Variants in RYR3 observed in about 807,000 individuals in gnomAD.
The protein encoded by RYR3 is brain ryanodine receptor-calcium release channel.
Under a neutral mutation model 584.3 loss-of-function variants are expected in RYR3, and 207 were observed. The ratio of observed to expected loss-of-function variants is 0.35; its 90% CI spans 0.32 to 0.40. RYR3 has a LOEUF of 0.40. Ranked by LOEUF, RYR3 falls within the 10% of genes least tolerant of loss-of-function variation. RYR3 has a pLI of 1.00. For missense variants in RYR3, 5,616 were observed against 6,089.2 expected (o/e 0.92, Z 2.59); for synonymous variants, 2,416 against 2,248.5 (o/e 1.07, Z -2.11).
chr15:33,580,037 C>T lies in RYR3; in HGVS notation c.1330C>T (p.Gln444Ter). 1 of 1,613,736 alleles carries T rather than the reference C, an allele frequency of 6.2e-7. No homozygotes were observed. The highest frequency in any genetic ancestry group is 8.5e-7 in the Non-Finnish European group (1 of 1,179,748). ...LPIEEVLQTL[Q>*]DLIAYFQPPE... ...TATAGAAGAAGTCCTGCAGACCCTA[C>T]AGGACTTGATCGCCTACTTCCAGCC... Residue 444 changes from glutamine to a stop codon, truncating the protein, a stop_gained, in exon 13 of 104, where the codon CAG becomes TAG. Transcript: ENST00000634891. LOFTEE classifies it high-confidence loss of function.
chr15:33,443,118 G>A (rs76564371), intron 1 of RYR3, among the ~76,000 whole-genome samples: 19,968 of 152,050 alleles, frequency 0.13, 1,563 homozygotes, highest in East Asian at 0.33. Context: ...AATTAGCTGG[G>A]TGTTGTGGTG....
rs1473088041 is a variant in RYR3 at position 33,731,474 on chromosome 15, G to A, written c.7204G>A (p.Val2402Ile). The A allele has an allele frequency of 1.2e-6, 2 of 1,607,528 alleles. No homozygotes were observed. The highest frequency in any genetic ancestry group is 1.7e-6 in the Non-Finnish European group (2 of 1,176,392). The change falls in exon 48 of 104, where the codon GTT (valine) becomes ATT (isoleucine). Residue 2402 changes from valine to isoleucine, a missense_variant and splice_region_variant. Transcript: ENST00000634891. Reference sequence around the variant, plus strand: ...CTGTGTCCCAATCTTCTTTCTCTAGGTTTCCCTAAGCACCACAGAGGCTGC... The same window carrying A: ...CTGTGTCCCAATCTTCTTTCTCTAGATTTCCCTAAGCACCACAGAGGCTGC... ...DLRASASLDTVSLSTTEAALA... is the reference protein window; with the variant it reads ...DLRASASLDTISLSTTEAALA...
At chr15:33,745,967 C>T (rs2070664868) in intron 52 of RYR3, 101 bp from the exon 53 acceptor site, 2 of 781,914 alleles carry the variant, frequency 2.6e-6, no homozygotes, top group East Asian at 5.3e-5. Context: ...CTGTCACTAT[C>T]CATTACTCCA....
At chr15:33,436,837 G>A (rs1441852199) in intron 1 of RYR3, among the ~76,000 whole-genome samples, 1 of 152,134 alleles carries the variant, frequency 6.6e-6, no homozygotes, top group South Asian at 2.1e-4. Context: ...GCAATTTGAT[G>A]TATTAGCCTT....
intron 1 of RYR3, among the ~76,000 whole-genome samples, chr15:33,374,435 C>T (rs1377014459): frequency 6.6e-6 from 1 of 151,786 alleles, no homozygotes; most frequent in African/African-American, 2.4e-5. Context: ...CACACCCACA[C>T]GCATAGATGT....
In RYR3 at chr15:33,467,414, A is replaced by C. The variant is rs141151079; in HGVS notation, c.52-6005A>C. On this transcript the variant is annotated intron_variant, in intron 1 of 103. Coordinates refer to ENST00000634891, the MANE Select transcript of RYR3 (RefSeq NM_001036.6). Reference sequence around the variant, plus strand: ...TGACCCGTAGAGAAGCGGGAGAGCCAAGGTTCCCCAGCCATCAGCTCAGAG... The same window carrying C: ...TGACCCGTAGAGAAGCGGGAGAGCCCAGGTTCCCCAGCCATCAGCTCAGAG... 257 of 917,238 alleles carry C rather than the reference A, an allele frequency of 2.8e-4. No individual in the cohort carries two copies. In the African/African-American group the frequency reaches 3.0e-3, roughly 11 times the overall value. The allele number at this position is 917,238 out of a possible 1,614,324, so 56.8% of individuals were successfully genotyped here. A position where few individuals can be genotyped will look rare whatever the true frequency, so the allele number is the denominator to read the frequency against.
chr15:33,731,736 A>C (rs778218921), intron 48 of RYR3, 42 bp downstream of exon 48: 1 of 1,317,724 alleles, frequency 7.6e-7, no homozygotes, highest in South Asian at 1.2e-5. Flanking sequence ...GTATGCATCC[A>C]GGTCAACTGC....
At position 33,581,949 on chromosome 15, in the gene RYR3, T is replaced by C. The variant is rs147390398; in HGVS notation, c.1573+306T>C. Among the ~76,000 whole-genome samples, 3 of 152,372 alleles carry C rather than the reference T, an allele frequency of 2.0e-5. No homozygotes were observed. In the East Asian group the frequency reaches 5.8e-4, roughly 29 times the overall value. The stretch of plus-strand genomic sequence containing the variant: ...AAACGAGACTAGAACACATTTATGA[T>C]GTCTTCCAGTTTTAAACTTCTGCAA... On this transcript the variant is annotated intron_variant, in intron 14 of 103. Transcript: ENST00000634891.
At position 33,865,544 on chromosome 15, in the gene RYR3, G is replaced by C; in HGVS notation, c.*318G>C. The C allele has an allele frequency of 3.7e-6, 1 of 270,712 alleles. No homozygotes were observed. The highest frequency in any genetic ancestry group is 7.3e-5 in the South Asian group (1 of 13,722). 16.8% of individuals were successfully genotyped at this position (270,712 alleles called of 1,614,324 possible). A position where few individuals can be genotyped will look rare whatever the true frequency, so the allele number is the denominator to read the frequency against. On this transcript the variant is annotated 3_prime_UTR_variant, in exon 104 of 104. Transcript: ENST00000634891. ...TTGGGATGGAAGCATGAAGGAAAGG[G>C]CTAGAGAAGTATGAAATCTCGAATG...
intron 18 of RYR3, among the ~76,000 whole-genome samples, chr15:33,608,491 T>C (rs185829809): frequency 5.3e-5 from 8 of 152,356 alleles, no homozygotes; most frequent in Admixed American, 3.3e-4. Flanking sequence ...TTTCAAACTC[T>C]TCATACTACT....
chr15:33,690,464 T>C (rs1262891413), intron 38 of RYR3, among the ~76,000 whole-genome samples: 1 of 152,262 alleles, frequency 6.6e-6, no homozygotes. Context: ...ACTCTTCTTA[T>C]ATGAGATACT....
intron 101 of RYR3, 122 bp from the exon 102 acceptor site, chr15:33,860,956 T>A: frequency 1.3e-6 from 1 of 756,904 alleles, no homozygotes; most frequent in African/African-American, 1.9e-5. Flanking sequence ...AGTGAATGAC[T>A]AATAGCCAAA....
In RYR3 at chr15:33,653,397, C is replaced by G. The variant is rs544800457; in HGVS notation, c.4308+514C>G. On this transcript the variant is annotated intron_variant, in intron 32 of 103. Transcript: ENST00000634891. ...TTTAAAAATACATTTATAGGCCAGGCGCAGTGGCTCATGCCTGTAATCCCA... is the reference window on the plus strand; with the variant it reads ...TTTAAAAATACATTTATAGGCCAGGGGCAGTGGCTCATGCCTGTAATCCCA... Among the ~76,000 whole-genome samples, 1,455 of 152,230 alleles carry G rather than the reference C, an allele frequency of 9.6e-3. 11 individuals are homozygous for G. The highest frequency in any genetic ancestry group is 0.015 in the Non-Finnish European group (994 of 68,010).
rs1475398641 is a variant in RYR3, at chr15:33,848,392, G to C, written c.13599G>C (p.Gly4533=). The change falls in exon 94 of 104, where the codon GGG becomes GGC. Residue 4533 remains glycine (G), a synonymous_variant. Coordinates refer to ENST00000634891, the MANE Select transcript of RYR3 (RefSeq NM_001036.6). ...AGCCATCTGAAGATGACATCAAGGGGCAGTGGGACCGCTTGGTGATCAACA... is the reference window on the plus strand; with the variant it reads ...AGCCATCTGAAGATGACATCAAGGGCCAGTGGGACCGCTTGGTGATCAACA... The part of the protein sequence containing the change: ...TEQPSEDDIK[G]QWDRLVINTP... 2 of 1,613,166 alleles carry C rather than the reference G, an allele frequency of 1.2e-6. No individual in the cohort carries two copies. The highest frequency in any genetic ancestry group is 1.7e-6 in the Non-Finnish European group (2 of 1,179,818).
chr15:33,534,117 T>A (rs1275671429), intron 5 of RYR3, among the ~76,000 whole-genome samples: 1 of 152,138 alleles, frequency 6.6e-6, no homozygotes, highest in Non-Finnish European at 1.5e-5. Context: ...GTAGTAAAAA[T>A]GGGCCGGGCA....
At chr15:33,490,247 G>A (rs1207296303) in intron 2 of RYR3, among the ~76,000 whole-genome samples, 1 of 152,164 alleles carries the variant, frequency 6.6e-6, no homozygotes, top group Middle Eastern at 3.2e-3. Flanking sequence ...TTTAGAGGAT[G>A]AGAACAATTG....
chr15:33,653,177 A>G (rs1052805887), intron 32 of RYR3, among the ~76,000 whole-genome samples: 6 of 152,230 alleles, frequency 3.9e-5, no homozygotes, highest in African/African-American at 1.4e-4. Flanking sequence ...CATTTATTTC[A>G]TAAATATTTC....
chr15:33,356,026 T>C (rs1048893166), intron 1 of RYR3, among the ~76,000 whole-genome samples: 3 of 152,182 alleles, frequency 2.0e-5, no homozygotes, highest in African/African-American at 7.2e-5. Context: ...GGAGATTTCC[T>C]GCAGATGGAT....
chr15:33,859,543 T>C, intron 99 of RYR3, 32 bp from the exon 100 acceptor site: 1 of 1,612,654 alleles, frequency 6.2e-7, no homozygotes, highest in African/African-American at 1.3e-5. Flanking sequence ...ACTGTGACTT[T>C]TGCCTAAATC....
Sources: allele counts gnomAD v4.1 joint callset (sites outside exome capture counted in the v4.1 genomes callset), GRCh38; gene constraint gnomAD v4.1.1; transcripts MANE v1.5; gene names NCBI Gene and HGNC (gene_info 2026-07-23, HGNC 2026-07-21).